ATP8B3: variants seen among roughly 807,000 people sequenced by gnomAD.
The protein encoded by ATP8B3 is ATPase phospholipid transporting 8B3, also known as phospholipid-transporting ATPase IK.
In ATP8B3, 141 loss-of-function variants were observed where a neutral mutation model predicts 140.9. The ratio of observed to expected loss-of-function variants is 1.00; its 90% CI spans 0.87 to 1.15. ATP8B3 has a LOEUF of 1.15. Among genes scored for constraint, ATP8B3 ranks in the 50% most tolerant of loss-of-function variants. ATP8B3 has a pLI of 0.00. For missense variants in ATP8B3, 1,874 were observed against 1,740.6 expected (o/e 1.08, Z -1.36); for synonymous variants, 765 against 714.6 (o/e 1.07, Z -1.13).
rs2068603641 is a variant in ATP8B3, at chr19:1,794,270, C to G, written c.2055+1605G>C. On this transcript the variant is annotated intron_variant, in intron 18 of 28. Transcript: ENST00000310127. This position sits in a 1 kb window ranked among gnomAD's most constrained non-coding sequence, Gnocchi z 4.8. ...AGAGGAGCTTCACGGACATTGGCAG[C>G]CTCCGACAGGCCTTGACCCTTCTTC... Among the ~76,000 whole-genome samples the G allele has an allele frequency of 6.6e-6, 1 of 152,176 alleles. No homozygotes were observed. Among genetic ancestry groups the G allele is most frequent in the Non-Finnish European group, 1.5e-5 (1 of 68,022 alleles).
At chr19:1,783,765 G>C (rs2068225112) in intron 28 of ATP8B3, among the ~76,000 whole-genome samples, 1 of 152,220 alleles carries the variant, frequency 6.6e-6, no homozygotes, top group Admixed American at 6.5e-5. Context: ...CACCATTCCA[G>C]TCAATTCTGG....
Position 1,811,891 on chromosome 19 carries a change from G to A in ATP8B3, c.-148-7C>T. The stretch of plus-strand genomic sequence containing the variant: ...GAATCCACTCGAAGTGTATCTGGGG[G>A]CAGAAAGAGACACGGACACAGCGCT... On this transcript the variant is annotated splice_region_variant and splice_polypyrimidine_tract_variant and intron_variant, in intron 1 of 28. Coordinates refer to ENST00000310127, the MANE Select transcript of ATP8B3 (RefSeq NM_138813.4). 1 of 842,938 alleles carries A rather than the reference G, an allele frequency of 1.2e-6. No individual in the cohort carries two copies. The highest frequency in any genetic ancestry group is 3.0e-5 in the Admixed American group (1 of 33,256). The allele number at this position is 842,938 out of a possible 1,614,324, so 52.2% of individuals were successfully genotyped here. A position where few individuals can be genotyped will look rare whatever the true frequency, so the allele number is the denominator to read the frequency against.
At chr19:1,791,957 C>CCG in intron 19 of ATP8B3, 44 bp downstream of exon 19, 1 of 1,560,164 alleles carries the variant, frequency 6.4e-7, no homozygotes, top group Non-Finnish European at 8.7e-7. Context: ...TGGGTGCCCC[C>CCG]GCTGCCCACC....
In ATP8B3 at chr19:1,782,511, C is replaced by T. The variant is rs1220845123; in HGVS notation, c.*517G>A. On this transcript the variant is annotated 3_prime_UTR_variant, in exon 29 of 29. Coordinates refer to ENST00000310127, the MANE Select transcript of ATP8B3 (RefSeq NM_138813.4). The stretch of plus-strand genomic sequence containing the variant: ...TCCACCTGAGATTTGTGGGTCTTGT[C>T]TGGAAGTGGCACCGTCCCCTCCTTG... 5.0e-6 allele frequency: 1 copy of T among 199,606 alleles called. No individual in the cohort carries two copies. The highest frequency in any genetic ancestry group is 2.4e-5 in the African/African-American group (1 of 42,428). The allele number at this position is 199,606 out of a possible 1,614,324, so 12.4% of individuals were successfully genotyped here.
chr19:1,799,481 G>T, intron 14 of ATP8B3: 10 of 218,506 alleles, frequency 4.6e-5, no homozygotes, highest in Non-Finnish European at 7.0e-5. Flanking sequence ...AAAAAAAAAA[G>T]TCGGCCGGGC....
chr19:1,801,103 C>T (rs1327316436), intron 12 of ATP8B3, among the ~76,000 whole-genome samples: 1 of 151,940 alleles, frequency 6.6e-6, no homozygotes, highest in East Asian at 1.9e-4. Context: ...GCTGGGATTA[C>T]AGGTGTGAGC....
At position 1,788,927 on chromosome 19, in the gene ATP8B3, C is replaced by G. The variant is rs754657022; in HGVS notation, c.3039G>C (p.Trp1013Cys). 24 of 1,603,556 alleles carry G rather than the reference C, an allele frequency of 1.5e-5. No individual in the cohort carries two copies. In the South Asian group the frequency reaches 2.6e-4, roughly 17 times the overall value. ...CGGTGAAGCCGTTGTAGCAGGCAAACCAGACCTGCACCATCATGCTGGCCA... is the reference window on the plus strand; with the variant it reads ...CGGTGAAGCCGTTGTAGCAGGCAAAGCAGACCTGCACCATCATGCTGGCCA... ...KSMASMMVQVWFACYNGFTGQ... is the reference protein window; with the variant it reads ...KSMASMMVQVCFACYNGFTGQ... The change falls in exon 24 of 29, where the codon TGG becomes TGC. Residue 1013 changes from tryptophan to cysteine, a missense_variant. By Grantham distance (215) the Trp-to-Cys change is radical. Coordinates refer to ENST00000310127, the MANE Select transcript of ATP8B3 (RefSeq NM_138813.4).
rs1312746779 is a variant in ATP8B3, at chr19:1,789,341, G to C, written c.2845+20C>G. 1.5e-6 allele frequency: 2 copies of C among 1,353,404 alleles called. No homozygotes were observed. The highest frequency in any genetic ancestry group is 2.4e-5 in the Admixed American group (1 of 41,454). 83.8% of individuals were successfully genotyped at this position (1,353,404 alleles called of 1,614,324 possible). On this transcript the variant is annotated intron_variant, in intron 23 of 28. Transcript: ENST00000310127. ...CCCCCACTCGTCCCAGGCACCCCCA[G>C]CCCCGCCGCCGCCACCCACTCTTGA...
chr19:1,799,795 C>T (rs1173287597), intron 14 of ATP8B3, 152 bp downstream of exon 14: 3 of 815,690 alleles, frequency 3.7e-6, no homozygotes, highest in African/African-American at 1.8e-5. Flanking sequence ...CTGGCCCCCT[C>T]CAAAGGAAAC....
rs757385570 is a variant in ATP8B3, at chr19:1,802,558, A to G, written c.992T>C (p.Ile331Thr). The G allele has an allele frequency of 1.2e-6, 2 of 1,610,650 alleles. No individual in the cohort carries two copies. The highest frequency in any genetic ancestry group is 2.7e-5 in the African/African-American group (2 of 74,204). Residue 331 changes from isoleucine (I) to threonine (T), a missense_variant, in exon 11 of 29, where the codon ATT (isoleucine) becomes ACT (threonine). Physicochemically the swap from Ile to Thr is moderately conservative, Grantham distance 89. This residue lies in a region of ATP8B3 where 1,032 missense variants were observed against 963.6 expected (regional missense o/e 1.07). Coordinates refer to ENST00000310127, the MANE Select transcript of ATP8B3 (RefSeq NM_138813.4). ...GCAGCCTCGGAGGAGGAGGTTGCCA[A>G]TGTCCAGGGAGTATTTCTTGTCATT... is the stretch of plus-strand genomic sequence containing the variant. ...EWNDKKYSLD[I>T]GNLLLRGCRI...
intron 18 of ATP8B3, among the ~76,000 whole-genome samples, chr19:1,795,244 G>C (rs1172953331): frequency 1.3e-5 from 2 of 151,584 alleles, no homozygotes; most frequent in African/African-American, 4.9e-5. Flanking sequence ...AACAGTGCAA[G>C]ACTCCCTCTC....
chr19:1,807,283 A>G lies in ATP8B3; in HGVS notation c.517-17T>C. ...GGGAATGCTCTGACGTGAGGGGGCC[A>G]CAGGAAGGGTCACACCAGCCCACTC... is the stretch of plus-strand genomic sequence containing the variant. On this transcript the variant is annotated splice_polypyrimidine_tract_variant and intron_variant, in intron 5 of 28. Transcript: ENST00000310127. The surrounding 1 kb of genome is among the most constrained non-coding windows in gnomAD (Gnocchi z 5.9). The G allele has an allele frequency of 6.2e-7, 1 of 1,603,194 alleles. No individual in the cohort carries two copies. The highest frequency in any genetic ancestry group is 8.5e-7 in the Non-Finnish European group (1 of 1,171,888).
In ATP8B3 at chr19:1,796,898, C is replaced by T. The variant is rs753939115; in HGVS notation, c.1585-19G>A. Reference sequence around the variant, plus strand: ...GGTTCTCCTGGGGGTGGCGGGGGCACGGGCCGGCTGTGGGTGGGCCGCTCC... The same window carrying T: ...GGTTCTCCTGGGGGTGGCGGGGGCATGGGCCGGCTGTGGGTGGGCCGCTCC... On this transcript the variant is annotated intron_variant, in intron 15 of 28. Transcript: ENST00000310127. The T allele has an allele frequency of 4.3e-6, 7 of 1,610,362 alleles. No homozygotes were observed. Among genetic ancestry groups the T allele is most frequent in the Admixed American group, 1.7e-5 (1 of 59,872 alleles).
In ATP8B3 at chr19:1,783,020, C is replaced by T. The variant is rs1485829146; in HGVS notation, c.*8G>A. 2 of 1,597,622 alleles carry T rather than the reference C, an allele frequency of 1.3e-6. No homozygotes were observed. The highest frequency in any genetic ancestry group is 2.3e-5 in the East Asian group (1 of 44,284). On this transcript the variant is annotated 3_prime_UTR_variant, in exon 29 of 29. Coordinates refer to ENST00000310127, the MANE Select transcript of ATP8B3 (RefSeq NM_138813.4). Reference sequence around the variant, plus strand: ...CTTCTTCCCCAGGAAGGACATCTTCCTGAGGTGTCACTGTGACTCTTTTGG... The same window carrying T: ...CTTCTTCCCCAGGAAGGACATCTTCTTGAGGTGTCACTGTGACTCTTTTGG...
rs1328262095 is a variant in ATP8B3, at chr19:1,783,240, C to T, written c.3691G>A (p.Glu1231Lys). 2 of 1,599,146 alleles carry T rather than the reference C, an allele frequency of 1.3e-6. No individual in the cohort carries two copies. The highest frequency in any genetic ancestry group is 1.7e-6 in the Non-Finnish European group (2 of 1,168,512). The change falls in exon 29 of 29, where the codon GAG becomes AAG. Residue 1231 changes from glutamate (E) to lysine (K), a missense_variant. Coordinates refer to ENST00000310127, the MANE Select transcript of ATP8B3 (RefSeq NM_138813.4). ...EEKVEEGPSE[E>K]IFTMEPLPHV... ...GGCAAGGGCTCCATGGTGAAAATCT[C>T]CTCGCTGGGGCCCTCCTCCACCTTC...
chr19:1,802,659 G>A lies in ATP8B3; in HGVS notation c.905-14C>T, dbSNP rs1167002518. 1.2e-6 allele frequency: 2 copies of A among 1,603,952 alleles called. No individual in the cohort carries two copies. The highest frequency in any genetic ancestry group is 2.7e-5 in the African/African-American group (2 of 74,714). ...ACGTCACTGTGCCTGTGGGTGGCCA[G>A]GTGGTCAGTGGGTCAGTGGGCTCAG... On this transcript the variant is annotated splice_polypyrimidine_tract_variant and intron_variant, in intron 10 of 28. Transcript: ENST00000310127.
At chr19:1,804,607 CA>C (rs757054535) in intron 10 of ATP8B3, among the ~76,000 whole-genome samples, 203 of 116,810 alleles carry the variant, frequency 1.7e-3, no homozygotes, top group African/African-American at 1.6e-3. Flanking sequence ...GACTCCGTCT[CA>C]AAAAAAAAAA....
intron 28 of ATP8B3, among the ~76,000 whole-genome samples, chr19:1,783,991 C>T (rs576728207): frequency 2.6e-5 from 4 of 152,218 alleles, no homozygotes; most frequent in South Asian, 2.1e-4. Context: ...TGAACCGCTG[C>T]GCCTGGCCTT....
Position 1,806,523 on chromosome 19 carries a change from A to G in ATP8B3, c.677+105T>C. The G allele has an allele frequency of 6.6e-7, 1 of 1,515,588 alleles. No homozygotes were observed. Among genetic ancestry groups the G allele is most frequent in the Non-Finnish European group, 8.8e-7 (1 of 1,133,044 alleles). 93.9% of individuals were successfully genotyped at this position (1,515,588 alleles called of 1,614,324 possible). A position where few individuals can be genotyped will look rare whatever the true frequency, so the allele number is the denominator to read the frequency against. On this transcript the variant is annotated intron_variant, in intron 7 of 28. Transcript: ENST00000310127. This position sits in a 1 kb window ranked among gnomAD's most constrained non-coding sequence, Gnocchi z 5.6. The stretch of plus-strand genomic sequence containing the variant: ...TTCCTGTCGGACTCAACCAGCCGGG[A>G]GATCAGGGAGCACGGAAGGTGATGG...
Sources: gnomAD v4.1 joint callset for allele counts (sites outside exome capture counted in the v4.1 genomes callset) on GRCh38, gnomAD v4.1.1 for gene constraint, gnomAD v4.1.1 regional missense constraint, Gnocchi (gnomAD v3.1) non-coding constraint, MANE v1.5 for transcripts, NCBI Gene and HGNC (gene_info 2026-07-23, HGNC 2026-07-21) for gene names.